Variants in EPM2A observed in about 807,000 individuals in gnomAD.
EPM2A encodes the protein EPM2A glucan phosphatase, laforin.
In EPM2A, 21 loss-of-function variants were observed where a neutral mutation model predicts 26.5. The observed-to-expected ratio is 0.79, with a 90% CI of 0.56 to 1.14. The LOEUF (loss-of-function observed/expected upper bound fraction) is 1.14, where lower values mean the gene tolerates loss of function less well. EPM2A is among the 50% of genes most tolerant of loss of function. The pLI, the probability that EPM2A is intolerant of heterozygous loss-of-function variation, is 0.00. For missense variants in EPM2A, 458 were observed against 440.8 expected (o/e 1.04, Z -0.35); for synonymous variants, 217 against 177.6 (o/e 1.22, Z -1.76).
chr6:145,499,314 A>G (rs1291438659), downstream of EPM2A, among the ~76,000 whole-genome samples: 7 of 152,186 alleles, frequency 4.6e-5, no homozygotes, highest in South Asian at 4.1e-4. Context: ...AAACAGCATA[A>G]CATGTTTTTT....
chr6:145,615,030 T>A (rs1775475519), intron 2 of EPM2A, among the ~76,000 whole-genome samples: 1 of 152,152 alleles, frequency 6.6e-6, no homozygotes, highest in South Asian at 2.1e-4. Context: ...GCAAGCAATG[T>A]CTTTCATAGG....
intron 1 of EPM2A, among the ~76,000 whole-genome samples, chr6:145,703,109 T>TC (rs1491561395): frequency 2.2e-5 from 1 of 46,230 alleles, no homozygotes; most frequent in Non-Finnish European, 3.7e-5. Flanking sequence ...TTTTTTTTTT[T>TC]CGAGACGGAG....
chr6:145,416,704 A>G (rs1451112306), intron 4 of EPM2A, among the ~76,000 whole-genome samples: 1 of 152,132 alleles, frequency 6.6e-6, no homozygotes, highest in Admixed American at 6.5e-5. Context: ...CTGAGAGAAA[A>G]CTGTTTTGAC....
At chr6:145,384,150 T>A (rs550480093) in intron 4 of EPM2A, 1 of 152,278 alleles carries the variant, frequency 6.6e-6, no homozygotes, top group South Asian at 2.1e-4. Flanking sequence ...ACTTTGTATT[T>A]GTATGAGATC....
At chr6:145,445,168 A>G (rs1040748460) in intron 4 of EPM2A, among the ~76,000 whole-genome samples, 1 of 152,046 alleles carries the variant, frequency 6.6e-6, no homozygotes, top group African/African-American at 2.4e-5. Flanking sequence ...AGAGCTTAGA[A>G]CTTTCTCTAG....
intron 2 of EPM2A, among the ~76,000 whole-genome samples, chr6:145,577,277 T>C (rs1781044499): frequency 6.6e-6 from 1 of 150,700 alleles, no homozygotes; most frequent in Non-Finnish European, 1.5e-5. Context: ...ATATGCTGCC[T>C]AGAAGAAACT....
At chr6:145,407,398 C>G (rs1229178059) in intron 4 of EPM2A, among the ~76,000 whole-genome samples, 10 of 152,072 alleles carry the variant, frequency 6.6e-5, no homozygotes, top group Non-Finnish European at 2.9e-5. Context: ...TCTAGAAGAG[C>G]CTCTAAAATT....
intron 1 of EPM2A, among the ~76,000 whole-genome samples, chr6:145,718,899 A>C (rs1775792667): frequency 6.6e-6 from 1 of 152,228 alleles, no homozygotes; most frequent in Non-Finnish European, 1.5e-5. Context: ...CCATCAGAGA[A>C]ATGCAAATCA....
chr6:145,555,810 T>C (rs1327759265), intron 2 of EPM2A, among the ~76,000 whole-genome samples: 2 of 152,222 alleles, frequency 1.3e-5, no homozygotes, highest in East Asian at 3.9e-4. Context: ...TGCTCTCTCA[T>C]CTATTCCACA....
At chr6:145,443,800 A>G (rs1313883985) in intron 4 of EPM2A, among the ~76,000 whole-genome samples, 3 of 152,094 alleles carry the variant, frequency 2.0e-5, no homozygotes, top group Non-Finnish European at 4.4e-5. Context: ...GGTATTTCCC[A>G]TGGTGTCTCG....
chr6:145,690,521 G>GAAAAAAA (rs145052340), intron 1 of EPM2A, among the ~76,000 whole-genome samples: 4 of 87,004 alleles, frequency 4.6e-5, no homozygotes, highest in Admixed American at 1.4e-4. Flanking sequence ...CGTCTCAAAA[G>GAAAAAAA]AAAAAAAAAA....
chr6:145,450,874 C>G (rs4896808), intron 4 of EPM2A, among the ~76,000 whole-genome samples: 137 of 152,062 alleles, frequency 9.0e-4, no homozygotes, highest in Middle Eastern at 3.4e-3. Context: ...TTGTAAACTG[C>G]TGTTTTATAT....
chr6:145,419,192 G>A (rs1246880137), intron 4 of EPM2A, among the ~76,000 whole-genome samples: 3 of 71,328 alleles, frequency 4.2e-5, no homozygotes, highest in Non-Finnish European at 6.8e-5. Context: ...CCCCCCCCCC[G>A]CTCCTTTCCC....
At chr6:145,433,021 G>A (rs2114693593) in intron 4 of EPM2A, among the ~76,000 whole-genome samples, 1 of 152,132 alleles carries the variant, frequency 6.6e-6, no homozygotes, top group South Asian at 2.1e-4. Context: ...GAAACTTAGG[G>A]CCTTGATCTG....
chr6:145,507,254 G>A (rs774505038), intron 2 of EPM2A, among the ~76,000 whole-genome samples: 3 of 151,974 alleles, frequency 2.0e-5, no homozygotes, highest in East Asian at 1.9e-4. Flanking sequence ...AGGATGCCTC[G>A]GCCACTTGGA....
chr6:145,587,098 C>T (rs1172301328), intron 2 of EPM2A, among the ~76,000 whole-genome samples: 2 of 152,108 alleles, frequency 1.3e-5, no homozygotes, highest in African/African-American at 2.4e-5. Flanking sequence ...ATTCACTGTT[C>T]CTCAGAGTTC....
Position 145,471,003 on chromosome 6 carries a change from G to A in EPM2A, c.555+31519C>T, listed in dbSNP as rs903391326. Among the ~76,000 whole-genome samples, 7 of 152,234 alleles carry A rather than the reference G, an allele frequency of 4.6e-5. 1 individual carries two copies. In the South Asian group the frequency reaches 6.2e-4, roughly 14 times the overall value. The stretch of plus-strand genomic sequence containing the variant: ...GGTAGGATGTGGTCTGCTCCACACC[G>A]CTCTCTTCCTCCCTGAAGTAGCAGG... On this transcript the variant is annotated intron_variant, in intron 4 of 4. Coordinates refer to the EPM2A transcript ENST00000638717.
intron 4 of EPM2A, chr6:145,491,870 C>G: frequency 3.9e-6 from 2 of 512,684 alleles, no homozygotes; most frequent in Admixed American, 4.2e-5. Context: ...TTACCAACAA[C>G]TTCTATCTCC....
intron 2 of EPM2A, among the ~76,000 whole-genome samples, chr6:145,531,395 A>G (rs1780354127): frequency 6.6e-6 from 1 of 152,196 alleles, no homozygotes; most frequent in Non-Finnish European, 1.5e-5. Flanking sequence ...GATTATGGGT[A>G]AAGACCCTGC....
Sources: allele counts gnomAD v4.1 joint callset (sites outside exome capture counted in the v4.1 genomes callset), GRCh38; gene constraint gnomAD v4.1.1; transcripts MANE v1.5; gene names NCBI Gene and HGNC (gene_info 2026-07-23, HGNC 2026-07-21).